The following GALNT13 variants were observed in gnomAD, a reference collection of about 807,000 sequenced individuals.
GALNT13 encodes the protein UDP-GalNAc:polypeptide N-acetylgalactosaminyltransferase 13.
In GALNT13, 28 loss-of-function variants were observed where a neutral mutation model predicts 64.2. The observed-to-expected ratio is 0.44, with a 90% CI of 0.32 to 0.60. The LOEUF is 0.60. GALNT13 is among the 20% of genes least tolerant of loss of function. GALNT13 has a pLI of 0.05. For missense variants in GALNT13, 577 were observed against 669.8 expected, an observed-to-expected ratio of 0.86 and a Z score of 1.53; for synonymous variants, 214 against 224.6, an observed-to-expected ratio of 0.95 and a Z score of 0.42.
the GALNT13 span, among the ~76,000 whole-genome samples, chr2:153,839,805 T>C: frequency 6.6e-6 from 1 of 151,992 alleles, no homozygotes; most frequent in Non-Finnish European, 1.5e-5. Flanking sequence ...TTGAAACCAC[T>C]GTGGAGACAT....
chr2:153,324,729 A>C, the GALNT13 span, among the ~76,000 whole-genome samples: 1 of 152,170 alleles, frequency 6.6e-6, no homozygotes, highest in Non-Finnish European at 1.5e-5. Context: ...TTCTGCATCT[A>C]TTGAGATAAT....
the GALNT13 span, among the ~76,000 whole-genome samples, chr2:153,437,413 G>C: frequency 1.3e-5 from 2 of 152,126 alleles, no homozygotes; most frequent in East Asian, 3.9e-4. Flanking sequence ...TCTGTCTAAT[G>C]TTGACAGTGG....
chr2:153,443,529 C>A, the GALNT13 span, among the ~76,000 whole-genome samples: 1 of 152,236 alleles, frequency 6.6e-6, no homozygotes. Flanking sequence ...ATGTCACTAT[C>A]CATTCATCTT....
chr2:154,013,557 G>A (rs1261262544), intron 3 of GALNT13, among the ~76,000 whole-genome samples: 1 of 152,128 alleles, frequency 6.6e-6, no homozygotes, highest in Non-Finnish European at 1.5e-5. Context: ...TGACAGGGGC[G>A]GGCACACCGG....
chr2:154,241,732 C>T (rs1341022904), intron 4 of GALNT13, among the ~76,000 whole-genome samples: 1 of 151,956 alleles, frequency 6.6e-6, no homozygotes, highest in Admixed American at 6.6e-5. Context: ...CCTGTTTTAC[C>T]AGTTTCAGAA....
intron 3 of GALNT13, among the ~76,000 whole-genome samples, chr2:154,126,583 C>T (rs112583028): frequency 0.065 from 9,737 of 149,266 alleles, 423 homozygotes; most frequent in Middle Eastern, 0.14. Flanking sequence ...TGCAGTGAGC[C>T]GAGATCGCGC....
At chr2:153,363,440 C>G in the GALNT13 span, among the ~76,000 whole-genome samples, 1 of 151,956 alleles carries the variant, frequency 6.6e-6, no homozygotes, top group Non-Finnish European at 1.5e-5. Context: ...ATCACTGAAT[C>G]CAGGAGCTGG....
chr2:153,805,476 A>C, the GALNT13 span, among the ~76,000 whole-genome samples: 1 of 152,208 alleles, frequency 6.6e-6, no homozygotes, highest in African/African-American at 2.4e-5. Context: ...CCTTTTCTGA[A>C]GAATCTACTA....
chr2:153,420,301 T>C, the GALNT13 span, among the ~76,000 whole-genome samples: 1 of 152,174 alleles, frequency 6.6e-6, no homozygotes, highest in Non-Finnish European at 1.5e-5. Context: ...GTAAGGTTGA[T>C]AGATTAGAAA....
chr2:154,420,882 A>G (rs564940016), intron 11 of GALNT13, among the ~76,000 whole-genome samples: 170 of 152,232 alleles, frequency 1.1e-3, no homozygotes, highest in African/African-American at 3.8e-3. Flanking sequence ...AGCAGAATCC[A>G]TACTTATGAT....
At chr2:153,396,172 A>C in the GALNT13 span, among the ~76,000 whole-genome samples, 1 of 152,126 alleles carries the variant, frequency 6.6e-6, no homozygotes, top group Admixed American at 6.6e-5. Flanking sequence ...GGGACTGGAC[A>C]GGAGATAAAA....
At chr2:153,644,663 C>G in the GALNT13 span, among the ~76,000 whole-genome samples, 1 of 152,048 alleles carries the variant, frequency 6.6e-6, no homozygotes, top group Admixed American at 6.6e-5. Context: ...TACCCCTTCA[C>G]CAACCCACCC....
the GALNT13 span, among the ~76,000 whole-genome samples, chr2:153,542,939 A>G: frequency 2.0e-5 from 3 of 152,228 alleles, no homozygotes; most frequent in East Asian, 5.8e-4. Context: ...CCAACTTTAC[A>G]TGTATTTATA....
intron 7 of GALNT13, among the ~76,000 whole-genome samples, chr2:154,252,775 A>T (rs1328033953): frequency 7.3e-6 from 1 of 137,422 alleles, no homozygotes; most frequent in Non-Finnish European, 1.6e-5. Flanking sequence ...AGATAGATAG[A>T]TAGATAATAG....
chr2:153,741,539 A>G, the GALNT13 span, among the ~76,000 whole-genome samples: 2 of 152,080 alleles, frequency 1.3e-5, no homozygotes, highest in Admixed American at 6.6e-5. Context: ...TATGAGAAGT[A>G]CTTAATACAT....
At chr2:153,438,711 C>G in the GALNT13 span, among the ~76,000 whole-genome samples, 2 of 152,140 alleles carry the variant, frequency 1.3e-5, no homozygotes, top group African/African-American at 2.4e-5. Flanking sequence ...ATTGGTTATT[C>G]TAGTTACCAT....
At chr2:154,247,888 TG>T (rs1689864085) in intron 7 of GALNT13, among the ~76,000 whole-genome samples, 1 of 152,112 alleles carries the variant, frequency 6.6e-6, no homozygotes. Flanking sequence ...AATTAATTCA[TG>T]GGTTCGGTTG....
At chr2:153,461,134 C>T in the GALNT13 span, among the ~76,000 whole-genome samples, 1 of 151,868 alleles carries the variant, frequency 6.6e-6, no homozygotes, top group Non-Finnish European at 1.5e-5. Flanking sequence ...TGCCTTAATC[C>T]TTCCTTTAAA....
chr2:153,676,260 C>A, the GALNT13 span, among the ~76,000 whole-genome samples: 2 of 152,000 alleles, frequency 1.3e-5, no homozygotes, highest in African/African-American at 4.8e-5. Context: ...ATTAGAAAAT[C>A]TAGAATAAAT....
Sources: allele counts gnomAD v4.1 joint callset (sites outside exome capture counted in the v4.1 genomes callset), GRCh38; gene constraint gnomAD v4.1.1; transcripts MANE v1.5; gene names NCBI Gene and HGNC (gene_info 2026-07-23, HGNC 2026-07-21).